Variants in PXDNL observed in about 807,000 individuals in gnomAD.
PXDNL encodes peroxidasin like, also known as probable oxidoreductase PXDNL.
PXDNL carries 145 observed loss-of-function variants against 150.8 expected under a neutral mutation model. That is an observed-to-expected ratio of 0.96 (90% CI 0.84 to 1.10). PXDNL has a LOEUF of 1.10. PXDNL is among the 50% of genes least tolerant of loss of function. The probability of loss-of-function intolerance (pLI) is 0.00; values close to 1 mark genes in which losing one functional copy is unlikely to be tolerated. For missense variants in PXDNL, 2,087 were observed against 1,873.9 expected (o/e 1.11, Z -2.10); for synonymous variants, 757 against 725.7 (o/e 1.04, Z -0.69).
At chr8:51,713,531 T>C (rs1004255955) in intron 1 of PXDNL, among the ~76,000 whole-genome samples, 2 of 152,200 alleles carry the variant, frequency 1.3e-5, no homozygotes, top group Non-Finnish European at 2.9e-5. Flanking sequence ...TCACACCTCG[T>C]TGAGCCGGTT....
rs539805508 is a variant in PXDNL, at chr8:51,343,669, T to C, written c.4016+2164A>G. 2.6e-5 allele frequency among the ~76,000 whole-genome samples: 4 copies of C among 152,180 alleles called. No homozygotes were observed. In the South Asian group the frequency reaches 8.3e-4, roughly 32 times the overall value. On this transcript the variant is annotated intron_variant, in intron 20 of 22. Transcript: ENST00000356297. ...TGTAGAAAAGGACAGAAGGTAGTAA[T>C]GGGTGTTGTTATCCATGCCTGTGCT...
At chr8:51,400,398 T>G (rs1808211190) in intron 17 of PXDNL, among the ~76,000 whole-genome samples, 1 of 152,206 alleles carries the variant, frequency 6.6e-6, no homozygotes, top group South Asian at 2.1e-4. Flanking sequence ...TTTGAGCATT[T>G]CAGGAATTTT....
intron 4 of PXDNL, among the ~76,000 whole-genome samples, chr8:51,528,515 C>A (rs7837087): frequency 0.02 from 3,106 of 152,236 alleles, 119 homozygotes; most frequent in African/African-American, 0.07. Flanking sequence ...ATGTAAATGC[C>A]TTAATCTCCA....
At chr8:51,594,604 CA>C (rs1813522209) in intron 2 of PXDNL, among the ~76,000 whole-genome samples, 1 of 152,080 alleles carries the variant, frequency 6.6e-6, no homozygotes, top group African/African-American at 2.4e-5. Context: ...TGAGATCAAA[CA>C]ATTTAACTTG....
At chr8:51,703,922 T>C (rs941601454) in intron 1 of PXDNL, among the ~76,000 whole-genome samples, 5 of 152,236 alleles carry the variant, frequency 3.3e-5, no homozygotes, top group Middle Eastern at 3.2e-3. Flanking sequence ...ATTATGTTAG[T>C]ATTTTTATTT....
At chr8:51,374,111 G>T (rs1418954647) in intron 18 of PXDNL, among the ~76,000 whole-genome samples, 1 of 152,156 alleles carries the variant, frequency 6.6e-6, no homozygotes, top group East Asian at 1.9e-4. Flanking sequence ...AAGGAGATCT[G>T]GTCTAGGGTC....
intron 1 of PXDNL, among the ~76,000 whole-genome samples, chr8:51,779,964 C>T (rs1197208525): frequency 6.6e-6 from 1 of 152,066 alleles, no homozygotes; most frequent in Admixed American, 6.6e-5. Flanking sequence ...GTAATCCCAG[C>T]ACTTTGGGAG....
chr8:51,399,973 T>C (rs753349330), intron 17 of PXDNL, among the ~76,000 whole-genome samples: 7 of 152,358 alleles, frequency 4.6e-5, no homozygotes, highest in Non-Finnish European at 1.5e-5. Context: ...GGTAAAGATT[T>C]CTTCAGTTGA....
chr8:51,565,321 A>AATAGATAGATAGATAGATAG (rs367721031), intron 3 of PXDNL, among the ~76,000 whole-genome samples: 96 of 135,584 alleles, frequency 7.1e-4, no homozygotes, highest in Middle Eastern at 3.6e-3. Flanking sequence ...TAAATAAATA[A>AATAGATAGATAGATAGATAG]ATAGATAGAT....
intron 12 of PXDNL, chr8:51,435,958 T>C (rs1246127498): frequency 1.4e-5 from 7 of 508,186 alleles, no homozygotes; most frequent in Non-Finnish European, 2.8e-5. Flanking sequence ...TGCATCTACT[T>C]TGAAGCTAAG....
At chr8:51,625,056 G>C (rs1814337216) in intron 2 of PXDNL, among the ~76,000 whole-genome samples, 1 of 152,044 alleles carries the variant, frequency 6.6e-6, no homozygotes, top group African/African-American at 2.4e-5. Context: ...GGGATATAAA[G>C]ATAATAAAAT....
chr8:51,472,306 T>C lies in PXDNL; in HGVS notation c.695-2A>G. On this transcript the variant is annotated splice_acceptor_variant, in intron 7 of 22. Transcript: ENST00000356297. LOFTEE classifies it high-confidence loss of function. ...GCTCAAAAGTAATTCGGGGGCTCTCTGCAACAAAAGAATTATTGATGTATT... is the reference window on the plus strand; with the variant it reads ...GCTCAAAAGTAATTCGGGGGCTCTCCGCAACAAAAGAATTATTGATGTATT... The C allele has an allele frequency of 6.2e-7, 1 of 1,605,964 alleles. No individual in the cohort carries two copies. The highest frequency in any genetic ancestry group is 8.5e-7 in the Non-Finnish European group (1 of 1,173,890).
At chr8:51,543,516 T>C (rs1272723064) in intron 4 of PXDNL, among the ~76,000 whole-genome samples, 1 of 151,652 alleles carries the variant, frequency 6.6e-6, no homozygotes, top group Non-Finnish European at 1.5e-5. Context: ...ATTGAGACAA[T>C]CCTGGCTAAC....
Position 51,409,202 on chromosome 8 carries a change from A to G in PXDNL, c.2422T>C (p.Trp808Arg). 1 of 1,586,646 alleles carries G rather than the reference A, an allele frequency of 6.3e-7. No homozygotes were observed. Among genetic ancestry groups the G allele is most frequent in the East Asian group, 2.3e-5 (1 of 43,954 alleles). The change falls in exon 17 of 23, where the codon TGG becomes CGG. Residue 808 changes from tryptophan to arginine, a missense_variant. Coordinates refer to ENST00000356297, the MANE Select transcript of PXDNL (RefSeq NM_144651.5). Reference protein sequence around the residue: ...SYTRMLMHWGWFLEHDLDHTV... With the variant: ...SYTRMLMHWGRFLEHDLDHTV... The stretch of plus-strand genomic sequence containing the variant: ...TGGTCCAAGTCGTGCTCTAGAAACC[A>G]GCCCCAGTGCATGAGCATGCGCGTG...
intron 1 of PXDNL, among the ~76,000 whole-genome samples, chr8:51,683,141 CCTTA>C (rs1312553914): frequency 8.3e-6 from 1 of 119,956 alleles, no homozygotes; most frequent in Admixed American, 9.9e-5. Context: ...TTCTCCACAT[CCTTA>C]CTAACACCAA....
intron 2 of PXDNL, among the ~76,000 whole-genome samples, chr8:51,649,550 T>G (rs1460776798): frequency 6.6e-6 from 1 of 152,136 alleles, no homozygotes; most frequent in East Asian, 1.9e-4. Context: ...ATTTAGTCAT[T>G]GTAAAGCACC....
At position 51,472,296 on chromosome 8, in the gene PXDNL, G is replaced by A. The variant is rs564037543; in HGVS notation, c.703C>T (p.Arg235Ter). ...ACATCCTGCGGCTCAAAAGTAATTCGGGGGCTCTCTGCAACAAAAGAATTA... is the reference window on the plus strand; with the variant it reads ...ACATCCTGCGGCTCAAAAGTAATTCAGGGGCTCTCTGCAACAAAAGAATTA... Reference protein sequence around the residue: ...TVEEFNCQSPRITFEPQDVEV... With the variant: ...TVEEFNCQSP The change falls in exon 8 of 23, where the codon CGA becomes TGA. Residue 235 changes from arginine to a stop codon, truncating the protein, a stop_gained. Coordinates refer to ENST00000356297, the MANE Select transcript of PXDNL (RefSeq NM_144651.5). LOFTEE classifies it high-confidence loss of function. 14 of 1,610,658 alleles carry A rather than the reference G, an allele frequency of 8.7e-6. No homozygotes were observed. The highest frequency in any genetic ancestry group is 3.3e-4 in the Middle Eastern group (2 of 6,054).
At chr8:51,446,495 T>A (rs1249126046) in intron 12 of PXDNL, among the ~76,000 whole-genome samples, 3 of 152,224 alleles carry the variant, frequency 2.0e-5, no homozygotes, top group African/African-American at 7.2e-5. Flanking sequence ...TTTTCCCTTT[T>A]TATATATCAG....
chr8:51,678,384 T>C (rs1431491911), intron 1 of PXDNL, among the ~76,000 whole-genome samples: 1 of 152,140 alleles, frequency 6.6e-6, no homozygotes, highest in African/African-American at 2.4e-5. Context: ...GAAGGTACTC[T>C]GTAGAATTTA....
Sources: allele counts gnomAD v4.1 joint callset (sites outside exome capture counted in the v4.1 genomes callset), GRCh38; gene constraint gnomAD v4.1.1; transcripts MANE v1.5; gene names NCBI Gene and HGNC (gene_info 2026-07-23, HGNC 2026-07-21).